NCOR2: variants seen among roughly 807,000 people sequenced by gnomAD.
NCOR2 encodes CTG repeat protein 26.
A neutral mutation model predicts 262.9 loss-of-function variants in NCOR2; 81 were observed. That is an observed-to-expected ratio of 0.31 (90% CI 0.26 to 0.37). NCOR2 has a LOEUF of 0.37. Ranked by LOEUF, NCOR2 falls within the 10% of genes least tolerant of loss-of-function variation. The pLI is 1.00. For missense variants in NCOR2, 3,385 were observed against 3,621.4 expected, an observed-to-expected ratio of 0.93 and a Z score of 1.68; for synonymous variants, 1,659 against 1,559.3, an observed-to-expected ratio of 1.06 and a Z score of -1.51.
chr12:124,350,303 G>A (rs1026849373), intron 28 of NCOR2, among the ~76,000 whole-genome samples: 3 of 152,190 alleles, frequency 2.0e-5, no homozygotes, highest in African/African-American at 4.8e-5. Flanking sequence ...GCCTGGCGGC[G>A]TGAGCTCGGG....
At chr12:124,565,510 G>A (rs999684400) in intron 1 of NCOR2, among the ~76,000 whole-genome samples, 1 of 152,114 alleles carries the variant, frequency 6.6e-6, no homozygotes, top group African/African-American at 2.4e-5. Flanking sequence ...GACAAGCAGA[G>A]GGGAGTGGGA....
In NCOR2 at chr12:124,326,431, G is replaced by C; in HGVS notation, c.7184-61C>G. The C allele has an allele frequency of 3.6e-6, 5 of 1,394,546 alleles. No homozygotes were observed. In the East Asian group the frequency reaches 1.1e-4, roughly 31 times the overall value. The allele number at this position is 1,394,546 out of a possible 1,614,324, so 86.4% of individuals were successfully genotyped here. ...GCAGTGAAGACAGCACCGACGCTAC[G>C]GTGGGGCCACAGGGGCAGGGTGAGG... is the stretch of plus-strand genomic sequence containing the variant. On this transcript the variant is annotated intron_variant, in intron 45 of 46. Coordinates refer to ENST00000405201, the Ensembl canonical transcript of NCOR2.
chr12:124,412,081 C>T (rs2042615993), intron 13 of NCOR2, among the ~76,000 whole-genome samples: 1 of 152,290 alleles, frequency 6.6e-6, no homozygotes, highest in African/African-American at 2.4e-5. Context: ...CTCCAGCCGG[C>T]CACAAGGCTA....
chr12:124,430,115 G>A (rs1213163219), intron 9 of NCOR2, among the ~76,000 whole-genome samples: 1 of 152,242 alleles, frequency 6.6e-6, no homozygotes, highest in African/African-American at 2.4e-5. Context: ...CATGGCTTGT[G>A]ACTTCAGTTA....
exon 46 of NCOR2, chr12:124,326,232 G>A (rs766163267): frequency 2.6e-6 from 4 of 1,541,144 alleles, no homozygotes; most frequent in African/African-American, 1.4e-5. Context: ...GTTGGTGAGC[G>A]GCGTCCGGCG....
intron 16 of NCOR2, among the ~76,000 whole-genome samples, chr12:124,394,955 G>C (rs1045492681): frequency 6.6e-6 from 1 of 152,154 alleles, no homozygotes; most frequent in African/African-American, 2.4e-5. Flanking sequence ...TTGAGACCTG[G>C]TTTCTCCCTA....
chr12:124,479,931 T>A (rs1005069943), intron 3 of NCOR2, among the ~76,000 whole-genome samples: 10 of 152,196 alleles, frequency 6.6e-5, no homozygotes, highest in African/African-American at 2.4e-4. Context: ...CCAGCCTCCT[T>A]GGGCTGGGAA....
intron 12 of NCOR2, among the ~76,000 whole-genome samples, chr12:124,422,111 T>C (rs2043237516): frequency 6.6e-6 from 1 of 152,334 alleles, no homozygotes; most frequent in Non-Finnish European, 1.5e-5. Flanking sequence ...AAAACTTCAC[T>C]GGGATGCCAG....
intron 43 of NCOR2, 129 bp from the exon 46 acceptor site, chr12:124,331,027 G>T: frequency 1.1e-6 from 1 of 876,320 alleles, no homozygotes; most frequent in Non-Finnish European, 1.8e-6. Context: ...AGGTTCTCAT[G>T]CAGCAGGCCT....
At chr12:124,336,249 C>G (rs562690087) in intron 38 of NCOR2, 1 of 165,806 alleles carries the variant, frequency 6.0e-6, no homozygotes, top group Non-Finnish European at 1.3e-5. Context: ...CCACTTCCCC[C>G]AGTCCGACAG....
At chr12:124,325,070 A>C in exon 47 of NCOR2, 2 of 221,034 alleles carry the variant, frequency 9.0e-6, no homozygotes, top group Non-Finnish European at 8.9e-6. Context: ...GTGCGTGGTC[A>C]TCCTGCTTTG....
rs2040186034 is a variant in NCOR2 at position 124,378,514 on chromosome 12, C to T, written c.2020-130G>A. The T allele has an allele frequency of 1.1e-6, 1 of 887,966 alleles. No individual in the cohort carries two copies. Among genetic ancestry groups the T allele is most frequent in the African/African-American group, 1.7e-5 (1 of 59,026 alleles). 55.0% of individuals were successfully genotyped at this position (887,966 alleles called of 1,614,324 possible). ...GCCATGTAGCAATGAGGGTGACCGT[C>T]CCCCTCACACCCCACCTCGGCAGCC... On this transcript the variant is annotated intron_variant, in intron 17 of 46. Transcript: ENST00000405201. The surrounding 1 kb of genome is among the most constrained non-coding windows in gnomAD (Gnocchi z 4.2).
intron 1 of NCOR2, among the ~76,000 whole-genome samples, chr12:124,535,032 T>G (rs2051053634): frequency 6.6e-6 from 1 of 152,218 alleles, no homozygotes; most frequent in South Asian, 2.1e-4. Flanking sequence ...TACAGAGAGA[T>G]AAAGCAACCT....
chr12:124,562,721 C>G (rs1408625764), intron 1 of NCOR2, among the ~76,000 whole-genome samples: 2 of 152,186 alleles, frequency 1.3e-5, no homozygotes, highest in Non-Finnish European at 2.9e-5. Flanking sequence ...CAAGCCGAAG[C>G]CTGGGGCTCT....
intron 1 of NCOR2, among the ~76,000 whole-genome samples, chr12:124,519,087 A>AATACACACACAC (rs759521977): frequency 0.11 from 13,397 of 125,626 alleles, 1,413 homozygotes; most frequent in South Asian, 0.16. Flanking sequence ...GTGGCCAAAT[A>AATACACACACAC]ATACACACAC....
At chr12:124,456,489 AGCCATCATC>A (rs543947656) in intron 6 of NCOR2, among the ~76,000 whole-genome samples, 42 of 152,326 alleles carry the variant, frequency 2.8e-4, no homozygotes, top group African/African-American at 5.5e-4. Context: ...CACTAGTGAC[AGCCATCATC>A]GCCATCATCG....
intron 13 of NCOR2, among the ~76,000 whole-genome samples, chr12:124,417,891 C>A (rs952941993): frequency 1.8e-4 from 28 of 152,112 alleles, no homozygotes; most frequent in African/African-American, 6.5e-4. Flanking sequence ...GAAACCCTGT[C>A]TCTATTATAA....
At chr12:124,552,509 C>G (rs934488256) in intron 1 of NCOR2, among the ~76,000 whole-genome samples, 10 of 152,192 alleles carry the variant, frequency 6.6e-5, no homozygotes, top group Non-Finnish European at 1.2e-4. Context: ...TCACTTAATT[C>G]CAAGGTCACC....
intron 1 of NCOR2, among the ~76,000 whole-genome samples, chr12:124,558,450 T>A (rs1187661557): frequency 6.6e-6 from 1 of 152,190 alleles, no homozygotes; most frequent in African/African-American, 2.4e-5. Context: ...CAAGTCACTC[T>A]AGCTGCTGTG....
Sources: allele counts gnomAD v4.1 joint callset (sites outside exome capture counted in the v4.1 genomes callset), GRCh38; gene constraint gnomAD v4.1.1; non-coding constraint Gnocchi (gnomAD v3.1); transcripts MANE v1.5; gene names NCBI Gene and HGNC (gene_info 2026-07-23, HGNC 2026-07-21).